Variants in ALMS1 observed in about 807,000 individuals in gnomAD.
ALMS1 encodes ALMS1 centrosome and basal body associated protein.
ALMS1 carries 271 observed loss-of-function variants against 352.2 expected under a neutral mutation model. The ratio of observed to expected loss-of-function variants is 0.77; its 90% CI spans 0.70 to 0.85. The LOEUF (loss-of-function observed/expected upper bound fraction) is 0.85, where lower values mean the gene tolerates loss of function less well. ALMS1 is among the 40% of genes least tolerant of loss of function. The pLI is 0.00. For synonymous variants in ALMS1, 1,865 were observed against 1,761.2 expected (o/e 1.06, Z -1.48); for missense variants, 5,445 against 4,870.7 (o/e 1.12, Z -3.51).
chr2:73,540,661 A>G (rs2104006116), intron 12 of ALMS1, among the ~76,000 whole-genome samples: 1 of 152,338 alleles, frequency 6.6e-6, no homozygotes, highest in Admixed American at 6.5e-5. Context: ...TAGGCTCAAA[A>G]TAAAGGGATA....
intron 17 of ALMS1, among the ~76,000 whole-genome samples, chr2:73,600,249 T>C (rs1171549127): frequency 6.6e-6 from 1 of 152,236 alleles, no homozygotes; most frequent in East Asian, 1.9e-4. Context: ...ATTGCCTTTC[T>C]ATACCTTTTG....
At chr2:73,566,284 GT>G (rs1186635854) in intron 15 of ALMS1, among the ~76,000 whole-genome samples, 2 of 152,282 alleles carry the variant, frequency 1.3e-5, no homozygotes, top group South Asian at 4.1e-4. Context: ...ATTTGCTGGC[GT>G]TACTGCTCTT....
intron 9 of ALMS1, among the ~76,000 whole-genome samples, chr2:73,473,920 A>AAGAG (rs35028203): frequency 7.3e-4 from 109 of 148,652 alleles, no homozygotes; most frequent in African/African-American, 9.6e-4. Context: ...TCTTAGAGGG[A>AAGAG]AGAGAGAGAG....
At chr2:73,398,751 A>G (rs929698382) in intron 1 of ALMS1, among the ~76,000 whole-genome samples, 1 of 152,206 alleles carries the variant, frequency 6.6e-6, no homozygotes, top group Non-Finnish European at 1.5e-5. Flanking sequence ...GATTGCTGGT[A>G]TACAGGAAGT....
At chr2:73,471,838 A>G (rs1672474843) in intron 9 of ALMS1, among the ~76,000 whole-genome samples, 1 of 152,042 alleles carries the variant, frequency 6.6e-6, no homozygotes, top group Non-Finnish European at 1.5e-5. Flanking sequence ...TAGAATTACC[A>G]TATGATCCCA....
intron 16 of ALMS1, among the ~76,000 whole-genome samples, chr2:73,597,832 T>A (rs1675583125): frequency 6.6e-6 from 1 of 151,902 alleles, no homozygotes; most frequent in Non-Finnish European, 1.5e-5. Context: ...TCCTGCCTAA[T>A]GAGCAGGACT....
chr2:73,432,752 C>T (rs980494250), intron 7 of ALMS1, among the ~76,000 whole-genome samples: 6 of 152,102 alleles, frequency 3.9e-5, no homozygotes, highest in Middle Eastern at 3.2e-3. Flanking sequence ...GGATTTCAAC[C>T]TATACTTTTC....
chr2:73,486,566 A>G (rs988134361), intron 9 of ALMS1, among the ~76,000 whole-genome samples: 16 of 152,160 alleles, frequency 1.1e-4, no homozygotes, highest in African/African-American at 2.4e-5. Context: ...TGGGTAGCTG[A>G]CTTCTTCAGC....
At position 73,558,981 on chromosome 2, in the gene ALMS1, C is replaced by T. The variant is rs377352853; in HGVS notation, c.10223C>T (p.Ala3408Val). ...AATTTCCCTTTCGTAGATTCCAGTG[C>T]TGCTGCTGCTGCAGAGCACTCAGCT... The part of the protein sequence containing the change: ...SLQKDTADSS[A>V]AAAAEHSAQV... The change falls in exon 15 of 23, where the codon GCT (alanine) becomes GTT (valine). Residue 3408 changes from alanine (A) to valine (V), a missense_variant. Ala to Val is a moderately conservative substitution (Grantham distance 64, BLOSUM62 0). Transcript: ENST00000613296. 1.9e-6 allele frequency: 3 copies of T among 1,612,526 alleles called. No homozygotes were observed. The highest frequency in any genetic ancestry group is 1.7e-5 in the Admixed American group (1 of 59,962).
chr2:73,436,024 C>G (rs188492634), intron 7 of ALMS1, among the ~76,000 whole-genome samples: 1 of 152,270 alleles, frequency 6.6e-6, no homozygotes, highest in Non-Finnish European at 1.5e-5. Flanking sequence ...TTACTACTAT[C>G]TGGTGTTACT....
In ALMS1 at chr2:73,424,870, A is replaced by G; in HGVS notation, c.1205A>G (p.Asp402Gly). 1 of 1,604,640 alleles carries G rather than the reference A, an allele frequency of 6.2e-7. No individual in the cohort carries two copies. The highest frequency in any genetic ancestry group is 8.5e-7 in the Non-Finnish European group (1 of 1,174,712). The change falls in exon 5 of 23, where the codon GAT becomes GGT. Residue 402 changes from aspartate to glycine, a missense_variant. By Grantham distance (94) the Asp-to-Gly change is moderately conservative. Transcript: ENST00000613296. ...RSYGQYWTQE[D>G]SSKQAETYLT... is the part of the protein sequence containing the mutation. ...TATGGGCAGTATTGGACACAGGAAG[A>G]TTCATCTAAGCAGGCAGAAACATAT...
At chr2:73,412,397 A>G (rs990557649) in intron 2 of ALMS1, among the ~76,000 whole-genome samples, 7 of 152,208 alleles carry the variant, frequency 4.6e-5, no homozygotes, top group Non-Finnish European at 8.8e-5. Flanking sequence ...ATGTTGTTGC[A>G]TGTATCAATA....
chr2:73,467,834 CAA>C (rs1050327241), intron 9 of ALMS1, among the ~76,000 whole-genome samples: 2 of 151,982 alleles, frequency 1.3e-5, no homozygotes, highest in African/African-American at 2.4e-5. Flanking sequence ...AAGCCAGACA[CAA>C]AGAGTCATAC....
intron 14 of ALMS1, among the ~76,000 whole-genome samples, chr2:73,558,672 T>C (rs976018721): frequency 6.6e-6 from 1 of 152,206 alleles, no homozygotes; most frequent in African/African-American, 2.4e-5. Flanking sequence ...GTGTATCCCA[T>C]CTTAGCTCTC....
At position 73,432,195 on chromosome 2, in the gene ALMS1, A is replaced by C. The variant is rs572922738; in HGVS notation, c.1339-3A>C. ...TTTATTGCCTTCATTTGTTCCACAT[A>C]AGCCAACAAGAGAGTCGGAATATCA... On this transcript the variant is annotated splice_region_variant and splice_polypyrimidine_tract_variant and intron_variant, in intron 6 of 22. Transcript: ENST00000613296. 19 of 1,610,190 alleles carry C rather than the reference A, an allele frequency of 1.2e-5. No homozygotes were observed. The Admixed American group carries it at 3.0e-4, about 25-fold the overall frequency.
chr2:73,425,122 T>C (rs557009278), intron 5 of ALMS1, among the ~76,000 whole-genome samples: 417 of 152,244 alleles, frequency 2.7e-3, no homozygotes, highest in Non-Finnish European at 4.7e-3. Context: ...TATTCTTTCT[T>C]GTGTTGTTTG....
rs1035211647 is a variant in ALMS1 at position 73,447,873 on chromosome 2, T to C, written c.1433-87T>C. On this transcript the variant is annotated intron_variant, in intron 7 of 22. Coordinates refer to ENST00000613296, the MANE Select transcript of ALMS1 (RefSeq NM_001378454.1). ...TTAGGATTCATTTCTAGAAGCTTTTTAAAGGCTCAAAGCTGGCTTTTTTCC... is the reference window on the plus strand; with the variant it reads ...TTAGGATTCATTTCTAGAAGCTTTTCAAAGGCTCAAAGCTGGCTTTTTTCC... 4.3e-5 allele frequency: 61 copies of C among 1,407,074 alleles called. 1 individual carries two copies. Among genetic ancestry groups the C allele is most frequent in the Middle Eastern group, 5.1e-4 (2 of 3,920 alleles). 87.2% of individuals were successfully genotyped at this position (1,407,074 alleles called of 1,614,324 possible).
intron 1 of ALMS1, among the ~76,000 whole-genome samples, chr2:73,406,435 G>A (rs1670973928): frequency 6.9e-6 from 1 of 145,650 alleles, no homozygotes; most frequent in South Asian, 2.1e-4. Flanking sequence ...TAATCCTATG[G>A]GTTTTTTTTT....
intron 15 of ALMS1, among the ~76,000 whole-genome samples, chr2:73,559,367 T>C (rs369292366): frequency 1.3e-5 from 2 of 152,220 alleles, no homozygotes; most frequent in Non-Finnish European, 1.5e-5. Flanking sequence ...GGAAAAGATA[T>C]TAGCAACTTA....
Sources: gnomAD v4.1 joint callset for allele counts (sites outside exome capture counted in the v4.1 genomes callset) on GRCh38, gnomAD v4.1.1 for gene constraint, MANE v1.5 for transcripts, NCBI Gene and HGNC (gene_info 2026-07-23, HGNC 2026-07-21) for gene names.